MSI2: variants seen among roughly 807,000 people sequenced by gnomAD.
The protein encoded by MSI2 is musashi RNA binding protein 2.
In MSI2, 17 loss-of-function variants were observed where a neutral mutation model predicts 45.6. The ratio of observed to expected loss-of-function variants is 0.37; its 90% CI spans 0.26 to 0.56. The LOEUF is 0.56. Among genes scored for constraint, MSI2 ranks in the 20% least tolerant of loss-of-function variants. The pLI, the probability that MSI2 is intolerant of heterozygous loss-of-function variation, is 0.77. For synonymous variants in MSI2, 156 were observed against 158.2 expected (o/e 0.99, Z 0.11); for missense variants, 293 against 444.2 (o/e 0.66, Z 3.06).
At chr17:57,503,628 C>T (rs1000365840) in intron 6 of MSI2, among the ~76,000 whole-genome samples, 1 of 152,210 alleles carries the variant, frequency 6.6e-6, no homozygotes, top group Admixed American at 6.5e-5. Flanking sequence ...GACGTTCATC[C>T]GTCAGTCAGT....
chr17:57,416,062 A>G (rs1466630617), intron 6 of MSI2, among the ~76,000 whole-genome samples: 1 of 152,190 alleles, frequency 6.6e-6, no homozygotes, highest in Non-Finnish European at 1.5e-5. Context: ...GATTCTCTCA[A>G]GGGAGGAATA....
intron 10 of MSI2, among the ~76,000 whole-genome samples, chr17:57,646,812 CT>C (rs1238877583): frequency 4.0e-5 from 6 of 151,296 alleles, no homozygotes; most frequent in South Asian, 2.1e-4. Context: ...GTGCTTCTTT[CT>C]TTTTTAGCCA....
rs116567396 is a variant in MSI2, at chr17:57,427,529, C to T, written c.405+26058C>T. ...TATGAGTGGGACCCTACTTCTCTCC[C>T]GCTGATGAATGAAATGTATAAAACC... On this transcript the variant is annotated intron_variant, in intron 6 of 13. Coordinates refer to ENST00000284073, the MANE Select transcript of MSI2 (RefSeq NM_138962.4). 7.1e-3 allele frequency among the ~76,000 whole-genome samples: 1,084 copies of T among 152,240 alleles called. 13 individuals carry two copies. The highest frequency in any genetic ancestry group is 0.025 in the African/African-American group (1,037 of 41,538).
intron 5 of MSI2, among the ~76,000 whole-genome samples, chr17:57,327,770 C>T (rs1215708465): frequency 6.6e-6 from 1 of 152,092 alleles, no homozygotes; most frequent in Non-Finnish European, 1.5e-5. Context: ...GCTAGGGAGG[C>T]CCTAGTTTGT....
At chr17:57,345,899 T>C (rs1311210761) in intron 5 of MSI2, among the ~76,000 whole-genome samples, 2 of 152,182 alleles carry the variant, frequency 1.3e-5, no homozygotes, top group African/African-American at 4.8e-5. Context: ...TTTTCTGTTC[T>C]AGGACATCAT....
intron 5 of MSI2, chr17:57,274,434 A>G (rs1908672535): frequency 1.3e-5 from 2 of 152,204 alleles, no homozygotes; most frequent in East Asian, 1.9e-4. Context: ...TGGGGTTGTC[A>G]TAAGGATTAT....
chr17:57,406,548 G>A (rs1449964117), intron 6 of MSI2, among the ~76,000 whole-genome samples: 1 of 152,190 alleles, frequency 6.6e-6, no homozygotes, highest in Non-Finnish European at 1.5e-5. Flanking sequence ...GGTAATTCTC[G>A]CTTTCTAGAA....
intron 5 of MSI2, among the ~76,000 whole-genome samples, chr17:57,389,452 C>T (rs2083747365): frequency 6.6e-6 from 1 of 152,218 alleles, no homozygotes; most frequent in South Asian, 2.1e-4. Flanking sequence ...AAAGGCCCTT[C>T]TCCCCTTTCT....
At chr17:57,425,758 C>G (rs1451542560) in intron 6 of MSI2, among the ~76,000 whole-genome samples, 1 of 152,226 alleles carries the variant, frequency 6.6e-6, no homozygotes, top group Non-Finnish European at 1.5e-5. Context: ...TTTGACCTAG[C>G]AATTCCACTT....
intron 7 of MSI2, among the ~76,000 whole-genome samples, chr17:57,562,760 T>G (rs886867412): frequency 2.0e-5 from 3 of 152,204 alleles, no homozygotes; most frequent in African/African-American, 7.2e-5. Flanking sequence ...GAGATAAGTC[T>G]TGGTGTGTGA....
chr17:57,428,436 C>G (rs1333435344), intron 6 of MSI2, among the ~76,000 whole-genome samples: 1 of 152,136 alleles, frequency 6.6e-6, no homozygotes, highest in Non-Finnish European at 1.5e-5. Context: ...CCCTGTCACC[C>G]AGGCTGGACC....
Position 57,596,115 on chromosome 17 carries a change from C to T in MSI2, c.455-753C>T, listed in dbSNP as rs979370090. ...TGGGGCCACATGCTGGAAACGCTGT[C>T]GGAGGCGGGAGGAGAAGAAAGAAAG... is the stretch of plus-strand genomic sequence containing the variant. On this transcript the variant is annotated intron_variant, in intron 7 of 13. Transcript: ENST00000284073. This position sits in a 1 kb window ranked among gnomAD's most constrained non-coding sequence, Gnocchi z 4.6. Among the ~76,000 whole-genome samples, 3 of 152,110 alleles carry T rather than the reference C, an allele frequency of 2.0e-5. No individual in the cohort carries two copies. Among genetic ancestry groups the T allele is most frequent in the Non-Finnish European group, 4.4e-5 (3 of 68,030 alleles).
At chr17:57,662,360 T>G (rs998632845) in intron 11 of MSI2, among the ~76,000 whole-genome samples, 3 of 152,160 alleles carry the variant, frequency 2.0e-5, no homozygotes, top group African/African-American at 7.2e-5. Flanking sequence ...CTAGTCAATT[T>G]GAATACAATA....
chr17:57,411,057 TGCA>T (rs1327498704), intron 6 of MSI2, among the ~76,000 whole-genome samples: 1 of 152,222 alleles, frequency 6.6e-6, no homozygotes, highest in Non-Finnish European at 1.5e-5. Flanking sequence ...CAGGCTGGAG[TGCA>T]GCAGCACGAT....
In MSI2 at chr17:57,293,909, G is replaced by GTTT. The variant is rs72240746; in HGVS notation, c.312+31730_312+31732dup. On this transcript the variant is annotated intron_variant, in intron 5 of 13. Transcript: ENST00000284073. ...AGGCATGAGCCACTGTGCCCAGCCT[G>GTTT]TTTTTTTTTTTTTTTAAAGGAATAT... 9.5e-3 allele frequency among the ~76,000 whole-genome samples: 1,380 copies of GTTT among 145,406 alleles called. 30 individuals carry two copies. Among genetic ancestry groups the GTTT allele is most frequent in the African/African-American group, 0.032 (1,247 of 39,466 alleles).
intron 6 of MSI2, among the ~76,000 whole-genome samples, chr17:57,469,416 C>T (rs1373532130): frequency 6.6e-6 from 1 of 152,198 alleles, no homozygotes; most frequent in African/African-American, 2.4e-5. Flanking sequence ...TGCCCTATTG[C>T]ACCAAGCAAA....
intron 6 of MSI2, chr17:57,450,409 G>A (rs746225718): frequency 8.1e-5 from 12 of 148,926 alleles, no homozygotes; most frequent in Admixed American, 6.7e-4. Context: ...AAAGTTGTGC[G>A]GTGGCTCATG....
intron 6 of MSI2, among the ~76,000 whole-genome samples, chr17:57,483,743 G>T (rs1339982822): frequency 6.6e-6 from 1 of 152,228 alleles, no homozygotes; most frequent in African/African-American, 2.4e-5. Context: ...GGATTCAGCT[G>T]CTGGTACAGG....
At chr17:57,677,699 T>G (rs955423384) in intron 13 of MSI2, among the ~76,000 whole-genome samples, 7 of 152,242 alleles carry the variant, frequency 4.6e-5, no homozygotes, top group African/African-American at 1.7e-4. Flanking sequence ...GTAACATGGA[T>G]TTGGATCCCT....
Sources: gnomAD v4.1 joint callset for allele counts (sites outside exome capture counted in the v4.1 genomes callset) on GRCh38, gnomAD v4.1.1 for gene constraint, Gnocchi (gnomAD v3.1) non-coding constraint, MANE v1.5 for transcripts, NCBI Gene and HGNC (gene_info 2026-07-23, HGNC 2026-07-21) for gene names.